Variants in MYO18A observed in about 807,000 individuals in gnomAD.
MYO18A encodes the protein unconventional myosin-XVIIIa.
A neutral mutation model predicts 235.8 loss-of-function variants in MYO18A; 78 were observed. The ratio of observed to expected loss-of-function variants is 0.33; its 90% confidence interval spans 0.28 to 0.40. MYO18A has a LOEUF of 0.40. MYO18A is among the 10% of genes least tolerant of loss of function. The pLI is 1.00. For synonymous variants in MYO18A, 977 were observed against 1,077.8 expected (o/e 0.91, Z 1.83); for missense variants, 2,215 against 2,699.3 (o/e 0.82, Z 3.98).
intron 19 of MYO18A, 187 bp from the exon 20 acceptor site, chr17:29,107,376 CAGG>C (rs2066814863): frequency 3.4e-6 from 2 of 589,062 alleles, no homozygotes; most frequent in Admixed American, 5.7e-5. Flanking sequence ...AAGAGAAGGT[CAGG>C]AGGACAATCA....
At chr17:29,176,336 G>A (rs1410945164) in intron 1 of MYO18A, among the ~76,000 whole-genome samples, 1 of 151,924 alleles carries the variant, frequency 6.6e-6, no homozygotes, top group Non-Finnish European at 1.5e-5. Flanking sequence ...CTGGTGTCTT[G>A]TGGCTGTAAG....
intron 2 of MYO18A, among the ~76,000 whole-genome samples, chr17:29,154,424 G>A (rs1359996447): frequency 6.6e-6 from 1 of 152,250 alleles, no homozygotes; most frequent in Non-Finnish European, 1.5e-5. Flanking sequence ...CCCTTTTCTT[G>A]TTCAGAAATC....
Position 29,073,857 on chromosome 17 carries a change from C to T in MYO18A, c.*913G>A. On this transcript the variant is annotated 3_prime_UTR_variant, in exon 42 of 42. Coordinates refer to ENST00000527372, the MANE Select transcript of MYO18A (RefSeq NM_078471.4). ...GTTTTTCTGATCACAAGTCCTCAAC[C>T]CCAAGCCTTCCCTCTCAAGTTGAGT... 1 of 1,589,716 alleles carries T rather than the reference C, an allele frequency of 6.3e-7. No homozygotes were observed. The highest frequency in any genetic ancestry group is 8.6e-7 in the Non-Finnish European group (1 of 1,161,310).
At chr17:29,144,002 T>C (rs1166677780) in intron 2 of MYO18A, among the ~76,000 whole-genome samples, 1 of 152,252 alleles carries the variant, frequency 6.6e-6, no homozygotes, top group African/African-American at 2.4e-5. Flanking sequence ...TATGTCTGCT[T>C]TTTAATTCTT....
chr17:29,166,923 C>T lies in MYO18A; in HGVS notation c.18G>A (p.Lys6=). The change falls in exon 2 of 42, where the codon AAG becomes AAA. Residue 6 remains lysine (K), a synonymous_variant. Coordinates refer to ENST00000527372, the MANE Select transcript of MYO18A (RefSeq NM_078471.4). MFNLM[K]KDKDKDGGRK... is the part of the protein sequence containing the mutation. The stretch of plus-strand genomic sequence containing the variant: ...GCCCGCCATCTTTGTCCTTGTCTTT[C>T]TTCATTAGGTTAAACATGGTGGGGG... 1 of 1,545,218 alleles carries T rather than the reference C, an allele frequency of 6.5e-7. No individual in the cohort carries two copies. Among genetic ancestry groups the T allele is most frequent in the Non-Finnish European group, 8.7e-7 (1 of 1,142,884 alleles).
chr17:29,167,192 T>C (rs1024639886), intron 1 of MYO18A, among the ~76,000 whole-genome samples, 171 bp from the exon 2 acceptor site: 1 of 152,222 alleles, frequency 6.6e-6, no homozygotes, highest in African/African-American at 2.4e-5. Context: ...AACCCTTCTA[T>C]AGGTAGTTAC....
intron 2 of MYO18A, among the ~76,000 whole-genome samples, chr17:29,161,690 T>C (rs1049902471): frequency 6.6e-6 from 1 of 152,122 alleles, no homozygotes; most frequent in African/African-American, 2.4e-5. Context: ...ACTCCATTTG[T>C]CCTCCCCTAG....
At chr17:29,092,552 TCTC>T (rs1372871953) in intron 33 of MYO18A, 96 bp from the exon 34 acceptor site, 3 of 1,011,274 alleles carry the variant, frequency 3.0e-6, no homozygotes, top group East Asian at 2.6e-5. Context: ...ATGCCCTCCT[TCTC>T]CTCCTCCATT....
At chr17:29,093,816 A>G (rs1417022468) in intron 31 of MYO18A, among the ~76,000 whole-genome samples, 164 bp downstream of exon 31, 1 of 152,050 alleles carries the variant, frequency 6.6e-6, no homozygotes, top group East Asian at 1.9e-4. Flanking sequence ...ACAGACTCTG[A>G]GCCAATACAT....
chr17:29,122,279 A>C (rs1203405576), intron 2 of MYO18A, 26 bp from the exon 3 acceptor site: 1 of 1,592,386 alleles, frequency 6.3e-7, no homozygotes, highest in Middle Eastern at 1.7e-4. Flanking sequence ...AAGAATAAAC[A>C]GGCCCTGCTA....
chr17:29,159,636 A>T (rs1157571505), intron 2 of MYO18A, among the ~76,000 whole-genome samples: 1 of 152,226 alleles, frequency 6.6e-6, no homozygotes, highest in African/African-American at 2.4e-5. Flanking sequence ...GCCCTAGGAA[A>T]GCCCAGTGCT....
intron 40 of MYO18A, among the ~76,000 whole-genome samples, chr17:29,083,530 G>A (rs554526283): frequency 0.4 from 55,834 of 139,744 alleles, 12,232 homozygotes; most frequent in East Asian, 0.84. Context: ...GTGCGCGCGC[G>A]CGCACACACA....
intron 2 of MYO18A, among the ~76,000 whole-genome samples, chr17:29,133,177 A>G (rs984424891): frequency 1.3e-5 from 2 of 152,206 alleles, no homozygotes; most frequent in Admixed American, 6.5e-5. Context: ...GTGCCCCCCA[A>G]GTGTCTGAAA....
chr17:29,089,746 C>T (rs1229907043), intron 37 of MYO18A, among the ~76,000 whole-genome samples: 3 of 152,280 alleles, frequency 2.0e-5, no homozygotes, highest in South Asian at 2.1e-4. Context: ...AAAGCAAGCA[C>T]GGAAACAGAA....
rs781496292 is a variant in MYO18A at position 29,140,374 on chromosome 17, G to A, written c.1000-18121C>T. ...CTGGCCTGGAGCAGCCCAGAGCAAG[G>A]AGACTCCGCTCTGATGCTGCTCTGG... is the stretch of plus-strand genomic sequence containing the variant. On this transcript the variant is annotated intron_variant, in intron 2 of 41. Transcript: ENST00000527372. The surrounding 1 kb of genome is among the most constrained non-coding windows in gnomAD (Gnocchi z 4.2). 3.9e-6 allele frequency: 5 copies of A among 1,284,510 alleles called. No homozygotes were observed. The East Asian group carries it at 2.3e-4, about 58-fold the overall frequency. 79.6% of individuals were successfully genotyped at this position (1,284,510 alleles called of 1,614,324 possible).
At chr17:29,119,217 G>A in intron 8 of MYO18A, 118 bp downstream of exon 8, 1 of 719,652 alleles carries the variant, frequency 1.4e-6, no homozygotes. Flanking sequence ...GACATGCACT[G>A]ACCAAACAGT....
intron 2 of MYO18A, among the ~76,000 whole-genome samples, chr17:29,132,801 C>G (rs1314803079): frequency 6.6e-6 from 1 of 152,182 alleles, no homozygotes; most frequent in African/African-American, 2.4e-5. Flanking sequence ...GAGCCTACTT[C>G]TTTAAGAATT....
chr17:29,090,778 CAG>C (rs2066379157), intron 35 of MYO18A, 30 bp downstream of exon 35: 1 of 1,588,970 alleles, frequency 6.3e-7, no homozygotes, highest in Non-Finnish European at 8.6e-7. Flanking sequence ...GGTGACGGTG[CAG>C]AGTGTGACGG....
At chr17:29,097,950 T>C in intron 25 of MYO18A, 51 bp from the exon 26 acceptor site, 7 of 1,580,202 alleles carry the variant, frequency 4.4e-6, no homozygotes, top group Non-Finnish European at 6.0e-6. Context: ...TCATACCCAC[T>C]CCCCGAACCA....
Sources: allele counts gnomAD v4.1 joint callset (sites outside exome capture counted in the v4.1 genomes callset), GRCh38; gene constraint gnomAD v4.1.1; non-coding constraint Gnocchi (gnomAD v3.1); transcripts MANE v1.5; gene names NCBI Gene and HGNC (gene_info 2026-07-23, HGNC 2026-07-21).